The following PPP2R3A variants were observed in gnomAD, a reference collection of about 807,000 sequenced individuals.
The protein encoded by PPP2R3A is protein phosphatase 2 regulatory subunit B''alpha.
PPP2R3A carries 80 observed loss-of-function variants against 106.9 expected under a neutral mutation model. The ratio of observed to expected loss-of-function variants is 0.75; its 90% confidence interval spans 0.62 to 0.90. The LOEUF is 0.90. Ranked by LOEUF, PPP2R3A falls within the 40% of genes least tolerant of loss-of-function variation. The pLI is 0.00. For missense variants in PPP2R3A, 1,386 were observed against 1,350.4 expected, an observed-to-expected ratio of 1.03 and a Z score of -0.41; for synonymous variants, 483 against 468.3, an observed-to-expected ratio of 1.03 and a Z score of -0.41.
chr3:136,103,143 A>G, intron 11 of PPP2R3A, 115 bp from the exon 12 acceptor site: 1 of 534,026 alleles, frequency 1.9e-6, no homozygotes, highest in Non-Finnish European at 3.3e-6. Context: ...TTTATTCTGA[A>G]AATAGGACTT....
At chr3:136,078,249 AACAT>A in intron 6 of PPP2R3A, 114 bp from the exon 7 acceptor site, 1 of 711,762 alleles carries the variant, frequency 1.4e-6, no homozygotes. Context: ...AATTACACTT[AACAT>A]AATCAAAAAG....
At chr3:136,057,059 G>A (rs1935888942) in intron 5 of PPP2R3A, among the ~76,000 whole-genome samples, 1 of 142,008 alleles carries the variant, frequency 7.0e-6, no homozygotes. Context: ...TGAGGATGCA[G>A]AGAAAGAGGA....
chr3:136,122,676 A>G (rs907395637), intron 13 of PPP2R3A, among the ~76,000 whole-genome samples: 1 of 152,250 alleles, frequency 6.6e-6, no homozygotes, highest in East Asian at 1.9e-4. Context: ...AGAGCATACT[A>G]TGTAACAAGC....
At chr3:136,007,538 G>GTCTAAAGGTCT (rs1481305047) in intron 2 of PPP2R3A, among the ~76,000 whole-genome samples, 1 of 152,140 alleles carries the variant, frequency 6.6e-6, no homozygotes, top group East Asian at 1.9e-4. Context: ...GGAAGGGTCT[G>GTCTAAAGGTCT]GTCACCTTTC....
intron 2 of PPP2R3A, among the ~76,000 whole-genome samples, chr3:136,013,168 GTGTGTGTGTGTGTGTA>G (rs1934143990): frequency 8.7e-6 from 1 of 115,358 alleles, no homozygotes; most frequent in Non-Finnish European, 1.9e-5. Flanking sequence ...GTGTGTGTGT[GTGTGTGTGTGTGTGTA>G]TGTATGTATG....
intron 5 of PPP2R3A, 145 bp from the exon 6 acceptor site, chr3:136,070,333 T>G (rs1936388077): frequency 1.7e-6 from 1 of 598,324 alleles, no homozygotes; most frequent in African/African-American, 1.9e-5. Flanking sequence ...TGAAACGAAT[T>G]TAATAAAGAA....
At chr3:136,055,416 G>C in intron 5 of PPP2R3A, 3 of 1,019,438 alleles carry the variant, frequency 2.9e-6, no homozygotes, top group Non-Finnish European at 4.7e-6. Context: ...GTTGCTCTCC[G>C]AGGTGCCATA....
In PPP2R3A at chr3:136,001,056, C is replaced by T. The variant is rs1933605561; in HGVS notation, c.-440-3C>T. ...TTCCTTTTAATTTTTTTTTTTATTA[C>T]AGGTTTCTCTGTCATTCACAGAAAA... On this transcript the variant is annotated splice_region_variant and splice_polypyrimidine_tract_variant and intron_variant, in intron 1 of 13. Coordinates refer to ENST00000264977, the MANE Select transcript of PPP2R3A (RefSeq NM_002718.5). The T allele has an allele frequency of 2.5e-6, 1 of 396,428 alleles. No homozygotes were observed. The highest frequency in any genetic ancestry group is 2.1e-5 in the African/African-American group (1 of 48,372). The allele number at this position is 396,428 out of a possible 1,614,324, so 24.6% of individuals were successfully genotyped here. A position where few individuals can be genotyped will look rare whatever the true frequency, so the allele number is the denominator to read the frequency against.
At chr3:136,019,463 C>T (rs1055229479) in intron 2 of PPP2R3A, among the ~76,000 whole-genome samples, 4 of 152,092 alleles carry the variant, frequency 2.6e-5, no homozygotes, top group African/African-American at 7.2e-5. Context: ...TTGTACATTC[C>T]CTTGTCATCA....
chr3:136,122,050 CCAGA>C (rs1264031062), intron 13 of PPP2R3A, among the ~76,000 whole-genome samples: 1 of 152,012 alleles, frequency 6.6e-6, no homozygotes, highest in Non-Finnish European at 1.5e-5. Flanking sequence ...CTTTTTAGAA[CCAGA>C]CAATGAAAGT....
chr3:136,114,920 G>A (rs1576321781), intron 13 of PPP2R3A, among the ~76,000 whole-genome samples: 2 of 152,152 alleles, frequency 1.3e-5, no homozygotes, highest in East Asian at 1.9e-4. Flanking sequence ...CCAGCACAAC[G>A]TTTGAGACTG....
At chr3:136,069,150 A>G (rs1031715588) in intron 5 of PPP2R3A, among the ~76,000 whole-genome samples, 3 of 152,250 alleles carry the variant, frequency 2.0e-5, no homozygotes, top group African/African-American at 7.2e-5. Flanking sequence ...GAGTAGTTTC[A>G]TATCTTATCC....
intron 8 of PPP2R3A, among the ~76,000 whole-genome samples, chr3:136,087,168 C>A (rs1486369803): frequency 6.6e-6 from 1 of 151,924 alleles, no homozygotes; most frequent in Non-Finnish European, 1.5e-5. Context: ...CACGCCATTG[C>A]ACTCCAGCCT....
chr3:135,983,268 C>T (rs889667247), intron 1 of PPP2R3A, among the ~76,000 whole-genome samples: 3 of 152,060 alleles, frequency 2.0e-5, no homozygotes, highest in Non-Finnish European at 2.9e-5. Context: ...AGAATCTGAC[C>T]GTTTATCCAT....
At chr3:135,982,412 A>G (rs1350550542) in intron 1 of PPP2R3A, among the ~76,000 whole-genome samples, 1 of 152,104 alleles carries the variant, frequency 6.6e-6, no homozygotes, top group Non-Finnish European at 1.5e-5. Context: ...GAACTTTGGA[A>G]GTGTCTCAGG....
intron 10 of PPP2R3A, among the ~76,000 whole-genome samples, chr3:136,091,848 C>T (rs987720956): frequency 1.3e-5 from 2 of 151,918 alleles, no homozygotes; most frequent in African/African-American, 2.4e-5. Context: ...TTTCATATAC[C>T]AGCAGAGTAG....
intron 13 of PPP2R3A, among the ~76,000 whole-genome samples, chr3:136,129,555 C>G (rs187573393): frequency 1.0e-3 from 159 of 152,240 alleles, no homozygotes; most frequent in Non-Finnish European, 1.9e-3. Flanking sequence ...AGTCCAGGAC[C>G]AGACAGATTC....
intron 4 of PPP2R3A, among the ~76,000 whole-genome samples, chr3:136,048,672 CAAA>C (rs751559512): frequency 4.8e-5 from 4 of 82,606 alleles, no homozygotes; most frequent in Non-Finnish European, 5.3e-5. Context: ...AACTCCGTCT[CAAA>C]AAAAAAAAAA....
chr3:136,004,795 T>C (rs1185022588), intron 2 of PPP2R3A, among the ~76,000 whole-genome samples: 1 of 152,170 alleles, frequency 6.6e-6, no homozygotes, highest in African/African-American at 2.4e-5. Context: ...ATTAGTCATA[T>C]TTTACTTCAT....
Sources: allele counts gnomAD v4.1 joint callset (sites outside exome capture counted in the v4.1 genomes callset), GRCh38; gene constraint gnomAD v4.1.1; transcripts MANE v1.5; gene names NCBI Gene and HGNC (gene_info 2026-07-23, HGNC 2026-07-21).